MAP3K10: variants seen among roughly 807,000 people sequenced by gnomAD.
The protein encoded by MAP3K10 is MKN28 derived nonreceptor_type serine/threonine kinase.
MAP3K10 carries 22 observed loss-of-function variants against 75.0 expected under a neutral mutation model. The ratio of observed to expected loss-of-function variants is 0.29; its 90% CI spans 0.21 to 0.42. The LOEUF is 0.42. Ranked by LOEUF, MAP3K10 falls within the 10% of genes least tolerant of loss-of-function variation. The pLI is 1.00. For synonymous variants in MAP3K10, 599 were observed against 612.9 expected (o/e 0.98, Z 0.34); for missense variants, 1,165 against 1,379.8 (o/e 0.84, Z 2.47).
At chr19:40,214,460 C>T (rs1973312346) in intron 9 of MAP3K10, among the ~76,000 whole-genome samples, 1 of 152,188 alleles carries the variant, frequency 6.6e-6, no homozygotes, top group Non-Finnish European at 1.5e-5. Context: ...GCGGTTGTGA[C>T]CAGCATGACC....
Position 40,213,876 on chromosome 19 carries a change from G to T in MAP3K10, c.2197G>T (p.Asp733Tyr), listed in dbSNP as rs377653522. The T allele has an allele frequency of 2.1e-6, 3 of 1,441,516 alleles. No individual in the cohort carries two copies. The highest frequency in any genetic ancestry group is 9.1e-7 in the Non-Finnish European group (1 of 1,104,874). 89.3% of individuals were successfully genotyped at this position (1,441,516 alleles called of 1,614,324 possible). Residue 733 changes from aspartate to tyrosine, a missense_variant, in exon 9 of 10, where the codon GAC becomes TAC. Asp to Tyr is a radical substitution (Grantham distance 160). This residue lies in a region of MAP3K10 where 590 missense variants were observed against 586.6 expected (regional missense o/e 1.01). Coordinates refer to ENST00000253055, the MANE Select transcript of MAP3K10 (RefSeq NM_002446.4). The surrounding 1 kb of genome is among the most constrained non-coding windows in gnomAD (Gnocchi z 5.7). ...PPARPHGRREDVGPGLGLAPS... is the reference protein window; with the variant it reads ...PPARPHGRREYVGPGLGLAPS... Reference sequence around the variant, plus strand: ...CGCGCGTCCCCACGGCCGCCGCGAAGACGTGGGCCCCGGCCTGGGCCTGGC... The same window carrying T: ...CGCGCGTCCCCACGGCCGCCGCGAATACGTGGGCCCCGGCCTGGGCCTGGC...
At chr19:40,194,521 T>G (rs1972872269) in intron 1 of MAP3K10, among the ~76,000 whole-genome samples, 1 of 152,176 alleles carries the variant, frequency 6.6e-6, no homozygotes, top group Admixed American at 6.5e-5. Context: ...TCCTCACCTC[T>G]GCTGATTGAC....
chr19:40,208,621 C>T (rs561335234), intron 5 of MAP3K10, among the ~76,000 whole-genome samples: 401 of 151,114 alleles, frequency 2.7e-3, no homozygotes, highest in Non-Finnish European at 4.4e-3. Context: ...GAGGATTGCT[C>T]GAGGCCAAGA....
At position 40,215,450 on chromosome 19, in the gene MAP3K10, T is replaced by A. The variant is rs1009471108; in HGVS notation, c.*158T>A. The A allele has an allele frequency of 1.5e-6, 1 of 670,758 alleles. No homozygotes were observed. The allele number at this position is 670,758 out of a possible 1,614,324, so 41.6% of individuals were successfully genotyped here. ...GGGGGACACTTAACTTATTCCTTTG[T>A]ACCCCAGGGGGTGGAGCCCTGTGCC... On this transcript the variant is annotated 3_prime_UTR_variant, in exon 10 of 10. Coordinates refer to ENST00000253055, the MANE Select transcript of MAP3K10 (RefSeq NM_002446.4).
In MAP3K10 at chr19:40,214,343, G is replaced by A. The variant is rs980948929; in HGVS notation, c.2542+122G>A. 5.1e-6 allele frequency: 6 copies of A among 1,175,736 alleles called. No individual in the cohort carries two copies. In the Admixed American group the frequency reaches 2.3e-4, roughly 45 times the overall value. 72.8% of individuals were successfully genotyped at this position (1,175,736 alleles called of 1,614,324 possible). ...CACCTCCTGCTTCTTGTGGAGGAGG[G>A]AGGGTCTGTGTCCCTTTACCGCTCA... On this transcript the variant is annotated intron_variant, in intron 9 of 9. Transcript: ENST00000253055.
chr19:40,193,994 C>G (rs1425268995), intron 1 of MAP3K10, among the ~76,000 whole-genome samples: 1 of 152,156 alleles, frequency 6.6e-6, no homozygotes, highest in African/African-American at 2.4e-5. Flanking sequence ...TATTCCCCAC[C>G]CATAGCAATT....
rs1231011085 is a variant in MAP3K10 at position 40,213,651 on chromosome 19, G to A, written c.1972G>A (p.Ala658Thr). The change falls in exon 9 of 10, where the codon GCG becomes ACG. Residue 658 changes from alanine to threonine, a missense_variant. Physicochemically the swap from Ala to Thr is moderately conservative, Grantham distance 58 (BLOSUM62 0). Coordinates refer to ENST00000253055, the MANE Select transcript of MAP3K10 (RefSeq NM_002446.4). This position sits in a 1 kb window ranked among gnomAD's most constrained non-coding sequence, Gnocchi z 5.7. ...ARAPWEPTPS[A>T]PPARWGHGAR... ...GGCGCCGTGGGAGCCGACGCCGTCC[G>A]CGCCCCCCGCTCGGTGGGGACACGG... The A allele has an allele frequency of 1.3e-5, 17 of 1,319,744 alleles. No homozygotes were observed. The highest frequency in any genetic ancestry group is 3.9e-5 in the Admixed American group (1 of 25,816). 81.8% of individuals were successfully genotyped at this position (1,319,744 alleles called of 1,614,324 possible). A position where few individuals can be genotyped will look rare whatever the true frequency, so the allele number is the denominator to read the frequency against.
Position 40,205,449 on chromosome 19 carries a change from G to A in MAP3K10, c.1188+153G>A. The A allele has an allele frequency of 1.3e-6, 1 of 743,252 alleles. No homozygotes were observed. The highest frequency in any genetic ancestry group is 2.7e-5 in the East Asian group (1 of 36,826). The allele number at this position is 743,252 out of a possible 1,614,324, so 46.0% of individuals were successfully genotyped here. On this transcript the variant is annotated intron_variant, in intron 4 of 9. Coordinates refer to ENST00000253055, the MANE Select transcript of MAP3K10 (RefSeq NM_002446.4). The surrounding 1 kb of genome is among the most constrained non-coding windows in gnomAD (Gnocchi z 4.3). ...GCATATTAAGAAAAGACAGCCTCCTGTTGGTGGATTAATAAGAAAAAGGCA... is the reference window on the plus strand; with the variant it reads ...GCATATTAAGAAAAGACAGCCTCCTATTGGTGGATTAATAAGAAAAAGGCA...
intron 6 of MAP3K10, 24 bp downstream of exon 6, chr19:40,209,243 C>CCAGT (rs770937762): frequency 1.9e-6 from 3 of 1,582,996 alleles, no homozygotes; most frequent in Admixed American, 3.4e-5. Context: ...AAGGCCCTGA[C>CCAGT]CAGTCAGTCA....
intron 1 of MAP3K10, among the ~76,000 whole-genome samples, chr19:40,196,147 G>A (rs1341169586): frequency 6.6e-6 from 1 of 152,138 alleles, no homozygotes; most frequent in Non-Finnish European, 1.5e-5. Context: ...ACAGGGTTAT[G>A]CACCTAGGAA....
Position 40,213,612 on chromosome 19 carries a change from T to G in MAP3K10, c.1933T>G (p.Ser645Ala). 2.6e-6 allele frequency: 4 copies of G among 1,560,750 alleles called. No homozygotes were observed. Among genetic ancestry groups the G allele is most frequent in the Non-Finnish European group, 3.5e-6 (4 of 1,155,796 alleles). Residue 645 changes from serine (S) to alanine (A), a missense_variant, in exon 9 of 10, where the codon TCC becomes GCC. By Grantham distance (99) the Ser-to-Ala change is moderately conservative. Transcript: ENST00000253055. The surrounding 1 kb of genome is among the most constrained non-coding windows in gnomAD (Gnocchi z 5.7). Reference sequence around the variant, plus strand: ...CTCAGTGCCACTGCCTGCCGAGCCCTCCCCGGGGGCGCGGGCGCCGTGGGA... The same window carrying G: ...CTCAGTGCCACTGCCTGCCGAGCCCGCCCCGGGGGCGCGGGCGCCGTGGGA... ...YLSVPLPAEP[S>A]PGARAPWEPT...
At position 40,209,083 on chromosome 19, in the gene MAP3K10, G is replaced by A; in HGVS notation, c.1436-20G>A. ...TCCCTGGAACCATTTGCTTAGGAAA[G>A]CTTCTCTTTCTTTCTGCAGGCTTTG... On this transcript the variant is annotated intron_variant, in intron 5 of 9. Transcript: ENST00000253055. 2 of 1,576,216 alleles carry A rather than the reference G, an allele frequency of 1.3e-6. No homozygotes were observed. Among genetic ancestry groups the A allele is most frequent in the Non-Finnish European group, 1.7e-6 (2 of 1,145,922 alleles).
intron 6 of MAP3K10, 101 bp downstream of exon 6, chr19:40,209,320 A>G (rs1242183936): frequency 2.4e-6 from 2 of 824,198 alleles, no homozygotes; most frequent in Admixed American, 2.3e-5. Flanking sequence ...ACAGCAAGAA[A>G]GAAGACAGAC....
At chr19:40,206,208 C>G (rs1973119192) in intron 5 of MAP3K10, 51 bp downstream of exon 5, 2 of 1,531,074 alleles carry the variant, frequency 1.3e-6, no homozygotes. Context: ...TGGGAGCAGC[C>G]CCGACCTAGG....
At position 40,192,067 on chromosome 19, in the gene MAP3K10, G is replaced by A. The variant is rs1433205482; in HGVS notation, c.36G>A (p.Trp12Ter). Residue 12 changes from tryptophan (W) to a stop codon, truncating the protein, a stop_gained, in exon 1 of 10, where the codon TGG (tryptophan) becomes TGA (stop). Coordinates refer to ENST00000253055, the MANE Select transcript of MAP3K10 (RefSeq NM_002446.4). LOFTEE classifies it high-confidence loss of function. This position sits in a 1 kb window ranked among gnomAD's most constrained non-coding sequence, Gnocchi z 7.1. ...AGGAGGGGGCGGTGGCCAAGGAGTG[G>A]GGCACGACCCCCGCGGGGCCCGTCT... The part of the protein sequence containing the change: ...EEEEGAVAKE[W>*]GTTPAGPVWT... 6.7e-7 allele frequency: 1 copy of A among 1,484,230 alleles called. No homozygotes were observed. The highest frequency in any genetic ancestry group is 1.4e-5 in the African/African-American group (1 of 70,276). The allele number at this position is 1,484,230 out of a possible 1,614,324, so 91.9% of individuals were successfully genotyped here.
rs1219170458 is a variant in MAP3K10, at chr19:40,205,952, G to A, written c.1230G>A (p.Gln410=). 1.2e-6 allele frequency: 2 copies of A among 1,602,702 alleles called. No individual in the cohort carries two copies. Among genetic ancestry groups the A allele is most frequent in the Admixed American group, 1.7e-5 (1 of 58,406 alleles). ...SREEELLRAA[Q]EQRFQEEQLR... is the part of the protein sequence containing the mutation. The stretch of plus-strand genomic sequence containing the variant: ...AGGAGGAGCTGCTGCGGGCGGCACA[G>A]GAGCAGCGCTTCCAGGAGGAGCAGC... The change falls in exon 5 of 10, where the codon CAG becomes CAA. Residue 410 remains glutamine, a synonymous_variant. Coordinates refer to ENST00000253055, the MANE Select transcript of MAP3K10 (RefSeq NM_002446.4). This position sits in a 1 kb window ranked among gnomAD's most constrained non-coding sequence, Gnocchi z 4.3.
In MAP3K10 at chr19:40,204,571, T is replaced by C; in HGVS notation, c.950T>C (p.Met317Thr). The C allele has an allele frequency of 1.2e-6, 2 of 1,614,008 alleles. No homozygotes were observed. The highest frequency in any genetic ancestry group is 1.7e-6 in the Non-Finnish European group (2 of 1,179,972). The stretch of plus-strand genomic sequence containing the variant: ...TTGGCCGTGGCGTATGGCGTGGCTA[T>C]GAATAAGCTGACGCTGCCCATTCCC... ...DALAVAYGVA[M>T]NKLTLPIPST... The change falls in exon 3 of 10, where the codon ATG becomes ACG. Residue 317 changes from methionine to threonine, a missense_variant. Met to Thr is a moderately conservative substitution (Grantham distance 81). Transcript: ENST00000253055. The surrounding 1 kb of genome is among the most constrained non-coding windows in gnomAD (Gnocchi z 4.3).
At chr19:40,210,126 G>T (rs958928420) in intron 6 of MAP3K10, among the ~76,000 whole-genome samples, 2 of 152,116 alleles carry the variant, frequency 1.3e-5, no homozygotes, top group Non-Finnish European at 2.9e-5. Context: ...AGTCAGCCAG[G>T]TGCTGTGACA....
Position 40,215,421 on chromosome 19 carries a change from A to G in MAP3K10, c.*129A>G, listed in dbSNP as rs868379838. On this transcript the variant is annotated 3_prime_UTR_variant, in exon 10 of 10. Coordinates refer to ENST00000253055, the MANE Select transcript of MAP3K10 (RefSeq NM_002446.4). Reference sequence around the variant, plus strand: ...CACTCTATTTATTGGGGAAGGAGGGAGGGGGGGGACACTTAACTTATTCCT... The same window carrying G: ...CACTCTATTTATTGGGGAAGGAGGGGGGGGGGGGACACTTAACTTATTCCT... The G allele has an allele frequency of 1.2e-5, 9 of 781,892 alleles. No homozygotes were observed. The highest frequency in any genetic ancestry group is 2.9e-5 in the Admixed American group (1 of 34,564). The allele number at this position is 781,892 out of a possible 1,614,324, so 48.4% of individuals were successfully genotyped here.
Sources: gnomAD v4.1 joint callset for allele counts (sites outside exome capture counted in the v4.1 genomes callset) on GRCh38, gnomAD v4.1.1 for gene constraint, gnomAD v4.1.1 regional missense constraint, Gnocchi (gnomAD v3.1) non-coding constraint, MANE v1.5 for transcripts, NCBI Gene and HGNC (gene_info 2026-07-23, HGNC 2026-07-21) for gene names.